Variants in CNOT10 observed in about 807,000 individuals in gnomAD.
CNOT10 encodes CCR4-NOT transcription complex subunit 10, also known as CCR4-NOT transcription complex, subunit 10.
CNOT10 carries 30 observed loss-of-function variants against 94.6 expected under a neutral mutation model. The observed-to-expected ratio is 0.32, with a 90% CI of 0.24 to 0.43. The LOEUF (loss-of-function observed/expected upper bound fraction) is 0.43, where lower values mean the gene tolerates loss of function less well. Among genes scored for constraint, CNOT10 ranks in the 20% least tolerant of loss-of-function variants. The pLI, the probability that CNOT10 is intolerant of heterozygous loss-of-function variation, is 1.00. For missense variants in CNOT10, 759 were observed against 877.2 expected (o/e 0.87, Z 1.70); for synonymous variants, 289 against 301.6 (o/e 0.96, Z 0.43).
Position 32,734,981 on chromosome 3 carries a change from T to G in CNOT10, c.1514+5T>G, listed in dbSNP as rs539470901. On this transcript the variant is annotated splice_donor_5th_base_variant and intron_variant, in intron 12 of 18. Transcript: ENST00000328834. ...CGAAAGCAGTGAAACTTGCAGGTAT[T>G]CTAATCCTTGTGACCTCCTTTGGCA... 3.7e-6 allele frequency: 6 copies of G among 1,607,790 alleles called. No homozygotes were observed. The East Asian group carries it at 1.1e-4, about 30-fold the overall frequency.
intron 11 of CNOT10, among the ~76,000 whole-genome samples, chr3:32,734,001 C>A (rs1306501436): frequency 1.3e-5 from 2 of 152,128 alleles, no homozygotes; most frequent in African/African-American, 4.8e-5. Context: ...CATGTATAAT[C>A]TTCATTTGAC....
chr3:32,718,323 G>A (rs1319168514), intron 7 of CNOT10, among the ~76,000 whole-genome samples: 1 of 141,390 alleles, frequency 7.1e-6, no homozygotes, highest in Non-Finnish European at 1.5e-5. Flanking sequence ...GGTGGCTCAC[G>A]CCTGTAATCC....
intron 13 of CNOT10, among the ~76,000 whole-genome samples, chr3:32,754,206 A>G (rs1700094833): frequency 6.6e-6 from 1 of 151,858 alleles, no homozygotes; most frequent in African/African-American, 2.4e-5. Context: ...GGCCAGGTGC[A>G]GTGGCTCACG....
chr3:32,743,477 A>C (rs1248833628), intron 13 of CNOT10, among the ~76,000 whole-genome samples: 1 of 151,780 alleles, frequency 6.6e-6, no homozygotes, highest in Non-Finnish European at 1.5e-5. Context: ...TAAAAATACA[A>C]AAAAAAATTA....
chr3:32,769,696 G>A (rs2125649288), intron 17 of CNOT10, 191 bp from the exon 18 acceptor site: 1 of 551,426 alleles, frequency 1.8e-6, no homozygotes, highest in South Asian at 2.0e-5. Flanking sequence ...AGTATTACAT[G>A]TCTAGCTTAA....
At chr3:32,728,153 CGCCCAG>C (rs933779777) in intron 10 of CNOT10, among the ~76,000 whole-genome samples, 2 of 152,020 alleles carry the variant, frequency 1.3e-5, no homozygotes, top group Admixed American at 1.3e-4. Flanking sequence ...CATGCCACCA[CGCCCAG>C]CTAATTTTGT....
At chr3:32,741,724 G>A (rs1350838439) in intron 13 of CNOT10, among the ~76,000 whole-genome samples, 3 of 148,982 alleles carry the variant, frequency 2.0e-5, no homozygotes, top group Middle Eastern at 3.2e-3. Context: ...AGCCGAAATC[G>A]TGCCACTGCC....
At position 32,733,413 on chromosome 3, in the gene CNOT10, T is replaced by C; in HGVS notation, c.1216-10T>C. The stretch of plus-strand genomic sequence containing the variant: ...CCTTAAATTTATTGGAAATTATTTG[T>C]ATTTTGTAGACTTCTGAACAAGAAA... On this transcript the variant is annotated splice_polypyrimidine_tract_variant and intron_variant, in intron 10 of 18. Transcript: ENST00000328834. The C allele has an allele frequency of 6.4e-7, 1 of 1,552,542 alleles. No individual in the cohort carries two copies. The highest frequency in any genetic ancestry group is 8.7e-7 in the Non-Finnish European group (1 of 1,145,026).
intron 3 of CNOT10, among the ~76,000 whole-genome samples, chr3:32,707,493 A>G (rs1697677453): frequency 6.6e-6 from 1 of 152,190 alleles, no homozygotes; most frequent in African/African-American, 2.4e-5. Flanking sequence ...CCTTATGTAT[A>G]AAGTGGAAAT....
chr3:32,698,638 G>A (rs1697188291), intron 1 of CNOT10, among the ~76,000 whole-genome samples: 1 of 152,138 alleles, frequency 6.6e-6, no homozygotes, highest in Non-Finnish European at 1.5e-5. Flanking sequence ...AAGGACGACT[G>A]GACTGAAGAT....
chr3:32,734,155 A>T (rs1232717362), intron 11 of CNOT10, among the ~76,000 whole-genome samples: 2 of 152,250 alleles, frequency 1.3e-5, no homozygotes, highest in Non-Finnish European at 2.9e-5. Context: ...ACAATAATTT[A>T]GTCTTAATTT....
At chr3:32,727,048 T>G (rs1698704749) in intron 9 of CNOT10, among the ~76,000 whole-genome samples, 1 of 151,946 alleles carries the variant, frequency 6.6e-6, no homozygotes, top group Non-Finnish European at 1.5e-5. Flanking sequence ...GGTTTCACTA[T>G]TTTGGCCAGT....
chr3:32,762,109 G>A (rs772140425), intron 14 of CNOT10, among the ~76,000 whole-genome samples: 1 of 149,738 alleles, frequency 6.7e-6, no homozygotes, highest in Non-Finnish European at 1.5e-5. Context: ...GTTTGTGGTG[G>A]TGTTGTTCTT....
chr3:32,685,649 C>G (rs1696563258), intron 1 of CNOT10, among the ~76,000 whole-genome samples, 167 bp downstream of exon 1: 3 of 152,094 alleles, frequency 2.0e-5, no homozygotes, highest in East Asian at 1.9e-4. Flanking sequence ...CATGAGTCTT[C>G]GGGCCCCGGG....
At chr3:32,688,305 T>TA (rs908825386) in intron 1 of CNOT10, among the ~76,000 whole-genome samples, 5 of 152,288 alleles carry the variant, frequency 3.3e-5, no homozygotes, top group African/African-American at 1.2e-4. Context: ...TTGTGATAGA[T>TA]ACTCTGAAGA....
intron 8 of CNOT10, among the ~76,000 whole-genome samples, chr3:32,721,978 A>G (rs1377772313): frequency 6.6e-6 from 1 of 152,064 alleles, no homozygotes; most frequent in African/African-American, 2.4e-5. Flanking sequence ...CTCTATTTAG[A>G]CTAAAAAGTC....
At chr3:32,720,519 T>TA (rs1698324432) in intron 8 of CNOT10, among the ~76,000 whole-genome samples, 1 of 151,922 alleles carries the variant, frequency 6.6e-6, no homozygotes, top group Non-Finnish European at 1.5e-5. Flanking sequence ...TTTATTTTAT[T>TA]TTTTTGGAAA....
intron 7 of CNOT10, 109 bp downstream of exon 7, chr3:32,717,346 T>TA: frequency 1.7e-6 from 1 of 576,400 alleles, no homozygotes; most frequent in South Asian, 2.9e-5. Context: ...TACTGCCAGA[T>TA]ATGAACCTTG....
At chr3:32,739,756 C>G (rs1446351806) in intron 13 of CNOT10, among the ~76,000 whole-genome samples, 2 of 152,096 alleles carry the variant, frequency 1.3e-5, no homozygotes, top group African/African-American at 2.4e-5. Context: ...GAAACCCCAT[C>G]TCTCCTAAAA....
Sources: gnomAD v4.1 joint callset for allele counts (sites outside exome capture counted in the v4.1 genomes callset) on GRCh38, gnomAD v4.1.1 for gene constraint, MANE v1.5 for transcripts, NCBI Gene and HGNC (gene_info 2026-07-23, HGNC 2026-07-21) for gene names.